Variants in ANKRD11 observed in about 807,000 individuals in gnomAD.
The protein encoded by ANKRD11 is ankyrin repeat domain-containing protein 11.
In ANKRD11, 17 loss-of-function variants were observed where a neutral mutation model predicts 195.7. The observed-to-expected ratio is 0.09, with a 90% CI of 0.06 to 0.13. ANKRD11 has a LOEUF of 0.13. Among genes scored for constraint, ANKRD11 ranks in the 10% least tolerant of loss-of-function variants. ANKRD11 has a pLI of 1.00. For missense variants in ANKRD11, 3,735 were observed against 3,566.1 expected, an observed-to-expected ratio of 1.05 and a Z score of -1.21; for synonymous variants, 1,953 against 1,528.1, an observed-to-expected ratio of 1.28 and a Z score of -6.49.
chr16:89,307,799 G>C (rs937187906), intron 3 of ANKRD11, among the ~76,000 whole-genome samples: 13 of 152,244 alleles, frequency 8.5e-5, no homozygotes, highest in Admixed American at 7.9e-4. Context: ...CCAGCAAGAA[G>C]CTCCAATCTT....
intron 2 of ANKRD11, among the ~76,000 whole-genome samples, chr16:89,350,641 G>A (rs2039169197): frequency 6.6e-6 from 1 of 152,216 alleles, no homozygotes; most frequent in Non-Finnish European, 1.5e-5. Flanking sequence ...CCAGGAAATA[G>A]GATGACATGC....
Position 89,404,264 on chromosome 16 carries a change from C to CTG in ANKRD11, c.-60+14019_-60+14020insCA, listed in dbSNP as rs1326545898. ...CCTGTTCTAGTCTCCTATCCACCCT[C>CTG]ACCAAGGCACTAAATCACCAGCAAA... is the stretch of plus-strand genomic sequence containing the variant. On this transcript the variant is annotated intron_variant, in intron 2 of 12. Coordinates refer to ENST00000301030, the MANE Select transcript of ANKRD11 (RefSeq NM_013275.6). Among the ~76,000 whole-genome samples the CTG allele has an allele frequency of 3.3e-5, 5 of 152,160 alleles. 1 individual carries two copies. Among genetic ancestry groups the CTG allele is most frequent in the Non-Finnish European group, 7.3e-5 (5 of 68,042 alleles).
chr16:89,289,900 C>T (rs906829203), intron 6 of ANKRD11, among the ~76,000 whole-genome samples: 3 of 152,180 alleles, frequency 2.0e-5, no homozygotes, highest in Admixed American at 1.3e-4. Context: ...ATTAGCCAGG[C>T]ATGGTGGCGT....
rs749176560 is a variant in ANKRD11 at position 89,279,481 on chromosome 16, G to A, written c.7061C>T (p.Pro2354Leu). 2.8e-5 allele frequency: 39 copies of A among 1,370,804 alleles called. No homozygotes were observed. The highest frequency in any genetic ancestry group is 4.2e-5 in the Admixed American group (2 of 47,948). 84.9% of individuals were successfully genotyped at this position (1,370,804 alleles called of 1,614,324 possible). The change falls in exon 9 of 13, where the codon CCC (proline) becomes CTC (leucine). Residue 2354 changes from proline to leucine, a missense_variant. Coordinates refer to ENST00000301030, the MANE Select transcript of ANKRD11 (RefSeq NM_013275.6). This position sits in a 1 kb window ranked among gnomAD's most constrained non-coding sequence, Gnocchi z 5.6. The stretch of plus-strand genomic sequence containing the variant: ...GGTGGGGGCGCACTCCTTCTCGGAG[G>A]GGGGCGGGCCCTGCTTGCTCTGGTT... ...LANQSKQGPP[P>L]SEKECAPTPA...
chr16:89,338,306 C>G lies in ANKRD11; in HGVS notation c.-59-21228G>C, dbSNP rs571784833. ...TGGGTCTCTGTTAGTCCCTCCCCTA[C>G]CAAGCCAGGACAGCCACCTGCTTAC... is the stretch of plus-strand genomic sequence containing the variant. On this transcript the variant is annotated intron_variant, in intron 2 of 12. Coordinates refer to ENST00000301030, the MANE Select transcript of ANKRD11 (RefSeq NM_013275.6). 1.1e-4 allele frequency among the ~76,000 whole-genome samples: 17 copies of G among 152,054 alleles called. No homozygotes were observed. The South Asian group carries it at 3.3e-3, about 30-fold the overall frequency.
chr16:89,331,377 G>A (rs1172231686), intron 2 of ANKRD11, among the ~76,000 whole-genome samples: 1 of 152,138 alleles, frequency 6.6e-6, no homozygotes, highest in Admixed American at 6.5e-5. Flanking sequence ...ACAACTCTAT[G>A]GGACAGAAGA....
chr16:89,342,932 G>A (rs1313446807), intron 2 of ANKRD11, among the ~76,000 whole-genome samples: 2 of 152,160 alleles, frequency 1.3e-5, no homozygotes, highest in South Asian at 4.1e-4. Flanking sequence ...GCCCAAAACA[G>A]GCATCATTTA....
intron 1 of ANKRD11, among the ~76,000 whole-genome samples, chr16:89,476,875 G>A (rs556374998): frequency 1.1e-4 from 17 of 152,248 alleles, no homozygotes; most frequent in Admixed American, 7.9e-4. Flanking sequence ...GTCCCTCTGG[G>A]CAGACTCATC....
At chr16:89,449,445 A>AT (rs200182063) in intron 1 of ANKRD11, among the ~76,000 whole-genome samples, 104 of 150,166 alleles carry the variant, frequency 6.9e-4, no homozygotes, top group Non-Finnish European at 1.2e-3. Context: ...GAAATGCGTT[A>AT]TTTTTTTTTT....
At chr16:89,438,405 C>T (rs1446079342) in intron 1 of ANKRD11, among the ~76,000 whole-genome samples, 1 of 151,928 alleles carries the variant, frequency 6.6e-6, no homozygotes, top group African/African-American at 2.4e-5. Flanking sequence ...CTGCAGCCTC[C>T]GCCTCCTGGG....
Position 89,305,295 on chromosome 16 carries a change from T to C in ANKRD11, c.137A>G (p.Asp46Gly), listed in dbSNP as rs199768183. 6.2e-7 allele frequency: 1 copy of C among 1,613,988 alleles called. No homozygotes were observed. Among genetic ancestry groups the C allele is most frequent in the East Asian group, 2.2e-5 (1 of 44,882 alleles). ...LTKTPKLERG[D>G]GGKEVRERAS... ...TCGCTCCCTCACCTCCTTCCCGCCA[T>C]CGCCACGCTCCAGTTTTGGGGTCTT... is the stretch of plus-strand genomic sequence containing the variant. Residue 46 changes from aspartate (D) to glycine (G), a missense_variant, in exon 4 of 13, where the codon GAT (aspartate) becomes GGT (glycine). Transcript: ENST00000301030.
chr16:89,409,233 G>A (rs949763573), intron 2 of ANKRD11, among the ~76,000 whole-genome samples: 7 of 152,160 alleles, frequency 4.6e-5, no homozygotes, highest in African/African-American at 9.7e-5. Flanking sequence ...AATTCCACCC[G>A]CCTCCACAGG....
At chr16:89,320,951 C>T (rs189422910) in intron 2 of ANKRD11, among the ~76,000 whole-genome samples, 433 of 152,354 alleles carry the variant, frequency 2.8e-3, no homozygotes, top group African/African-American at 0.01. Context: ...CAACGATGGC[C>T]TGCTCCTCCC....
Position 89,283,379 on chromosome 16 carries a change from A to T in ANKRD11, c.3163T>A (p.Cys1055Ser), listed in dbSNP as rs2034418797. 1.9e-6 allele frequency: 3 copies of T among 1,613,608 alleles called. No homozygotes were observed. The African/African-American group carries it at 4.0e-5, about 22-fold the overall frequency. Residue 1055 changes from cysteine to serine, a missense_variant, in exon 9 of 13, where the codon TGT (cysteine) becomes AGT (serine). By Grantham distance (112) the Cys-to-Ser change is moderately radical. Coordinates refer to ENST00000301030, the MANE Select transcript of ANKRD11 (RefSeq NM_013275.6). This position sits in a 1 kb window ranked among gnomAD's most constrained non-coding sequence, Gnocchi z 4.3. ...TTGGTATCTTTTTTCTCTTTAAAACATTTATCAAATTCTTTGTCCTTCTGA... is the reference window on the plus strand; with the variant it reads ...TTGGTATCTTTTTTCTCTTTAAAACTTTTATCAAATTCTTTGTCCTTCTGA... ...KCQKDKEFDK[C>S]FKEKKDTKEK...
chr16:89,476,917 T>G (rs1427325545), intron 1 of ANKRD11, among the ~76,000 whole-genome samples: 1 of 152,162 alleles, frequency 6.6e-6, no homozygotes, highest in African/African-American at 2.4e-5. Context: ...AACACACGTT[T>G]ATACACGGGC....
chr16:89,458,409 A>G (rs1203875006), intron 1 of ANKRD11, among the ~76,000 whole-genome samples: 1 of 152,076 alleles, frequency 6.6e-6, no homozygotes, highest in African/African-American at 2.4e-5. Flanking sequence ...TATTTTTAGT[A>G]GAGACGGGGT....
Position 89,283,345 on chromosome 16 carries a change from T to C in ANKRD11, c.3197A>G (p.His1066Arg), listed in dbSNP as rs747326096. The C allele has an allele frequency of 1.5e-5, 24 of 1,613,924 alleles. No individual in the cohort carries two copies. The highest frequency in any genetic ancestry group is 5.0e-5 in the Admixed American group (3 of 60,034). The change falls in exon 9 of 13, where the codon CAT becomes CGT. Residue 1066 changes from histidine (H) to arginine (R), a missense_variant. Transcript: ENST00000301030. This position sits in a 1 kb window ranked among gnomAD's most constrained non-coding sequence, Gnocchi z 4.3. Reference sequence around the variant, plus strand: ...TTTGTCTTTGCCATGTGTGTCTTTATGTTTTTCCTTGGTATCTTTTTTCTC... The same window carrying C: ...TTTGTCTTTGCCATGTGTGTCTTTACGTTTTTCCTTGGTATCTTTTTTCTC... The part of the protein sequence containing the change: ...FKEKKDTKEK[H>R]KDTHGKDKER...
chr16:89,474,033 A>AG (rs1431349019), intron 1 of ANKRD11, among the ~76,000 whole-genome samples: 4 of 152,224 alleles, frequency 2.6e-5, no homozygotes, highest in Non-Finnish European at 4.4e-5. Flanking sequence ...AAGCAAGTAC[A>AG]GGGGGCCTCT....
intron 2 of ANKRD11, among the ~76,000 whole-genome samples, chr16:89,387,568 G>A (rs1421135013): frequency 6.6e-6 from 1 of 151,432 alleles, no homozygotes; most frequent in Non-Finnish European, 1.5e-5. Context: ...AGCTACTCGG[G>A]AGACTGAGGC....
Sources: gnomAD v4.1 joint callset for allele counts (sites outside exome capture counted in the v4.1 genomes callset) on GRCh38, gnomAD v4.1.1 for gene constraint, Gnocchi (gnomAD v3.1) non-coding constraint, MANE v1.5 for transcripts, NCBI Gene and HGNC (gene_info 2026-07-23, HGNC 2026-07-21) for gene names.